Variants in ACAD10 observed in about 807,000 individuals in gnomAD.
The protein encoded by ACAD10 is ACAD-10.
Under a neutral mutation model 116.8 loss-of-function variants are expected in ACAD10, and 112 were observed. The ratio of observed to expected loss-of-function variants is 0.96; its 90% CI spans 0.82 to 1.12. ACAD10 has a LOEUF of 1.12. ACAD10 is among the 50% of genes most tolerant of loss of function. The pLI is 0.00. For missense variants in ACAD10, 1,259 were observed against 1,350.2 expected, an observed-to-expected ratio of 0.93 and a Z score of 1.06; for synonymous variants, 486 against 510.6, an observed-to-expected ratio of 0.95 and a Z score of 0.65.
At chr12:111,703,462 A>G (rs1888409183) in intron 3 of ACAD10, among the ~76,000 whole-genome samples, 1 of 152,244 alleles carries the variant, frequency 6.6e-6, no homozygotes, top group Non-Finnish European at 1.5e-5. Context: ...TTTAAAATAT[A>G]GTAAGAAAAG....
chr12:111,688,516 A>G (rs963013354), intron 1 of ACAD10, among the ~76,000 whole-genome samples: 16 of 152,034 alleles, frequency 1.1e-4, no homozygotes, highest in Non-Finnish European at 2.1e-4. Flanking sequence ...AAAAAAAAGT[A>G]CTTGACTTGG....
intron 18 of ACAD10, among the ~76,000 whole-genome samples, chr12:111,750,473 C>T (rs1291702194): frequency 6.6e-6 from 1 of 152,170 alleles, no homozygotes; most frequent in East Asian, 1.9e-4. Context: ...CTAGTCCCAG[C>T]TACTCAGGAG....
rs1465615087 is a variant in ACAD10 at position 111,715,973 on chromosome 12, A to C, written c.992+11A>C. 6.2e-7 allele frequency: 1 copy of C among 1,613,852 alleles called. No homozygotes were observed. The highest frequency in any genetic ancestry group is 8.5e-7 in the Non-Finnish European group (1 of 1,179,812). Reference sequence around the variant, plus strand: ...AGAGAGGGAGTTCAGGTAAGTTTTCAGGGCCAGGGGAGCACTTGCCCACTA... The same window carrying C: ...AGAGAGGGAGTTCAGGTAAGTTTTCCGGGCCAGGGGAGCACTTGCCCACTA... On this transcript the variant is annotated intron_variant, in intron 7 of 20. Coordinates refer to ENST00000313698, the MANE Select transcript of ACAD10 (RefSeq NM_025247.6).
Position 111,711,005 on chromosome 12 carries a change from C to T in ACAD10, c.690+1321C>T, listed in dbSNP as rs548381740. On this transcript the variant is annotated intron_variant, in intron 5 of 20. Transcript: ENST00000313698. ...GAAGAGGAAATGCATTCTACTGCTC[C>T]CTCATTAGCTAAATATCCTGGGTTC... is the stretch of plus-strand genomic sequence containing the variant. 1.1e-4 allele frequency among the ~76,000 whole-genome samples: 16 copies of T among 152,218 alleles called. No individual in the cohort carries two copies. The South Asian group carries it at 3.1e-3, about 30-fold the overall frequency.
At chr12:111,703,185 C>G (rs1355386144) in intron 3 of ACAD10, among the ~76,000 whole-genome samples, 1 of 151,396 alleles carries the variant, frequency 6.6e-6, no homozygotes, top group African/African-American at 2.4e-5. Flanking sequence ...TACGAATGAA[C>G]AGCCAGATGA....
At position 111,705,529 on chromosome 12, in the gene ACAD10, T is replaced by A. The variant is rs910535732; in HGVS notation, c.337-209T>A. Among the ~76,000 whole-genome samples, 8 of 152,332 alleles carry A rather than the reference T, an allele frequency of 5.3e-5. No individual in the cohort carries two copies. The South Asian group carries it at 1.7e-3, about 32-fold the overall frequency. On this transcript the variant is annotated intron_variant, in intron 3 of 20. Transcript: ENST00000313698. ...TGAGCCACTGTGCCCAGCCTATAAC[T>A]CTAGTCCTGGATAACTTTTAAAAAC...
At chr12:111,710,115 G>T in intron 5 of ACAD10, 1 of 283,040 alleles carries the variant, frequency 3.5e-6, no homozygotes, top group Non-Finnish European at 6.9e-6. Context: ...TCTCATACAG[G>T]GTCTTGTTAT....
chr12:111,698,489 T>C (rs1888254243), intron 2 of ACAD10, among the ~76,000 whole-genome samples: 1 of 151,860 alleles, frequency 6.6e-6, no homozygotes, highest in African/African-American at 2.4e-5. Flanking sequence ...AAACCTTTTT[T>C]TTTTTGAGAC....
rs775006150 is a variant in ACAD10 at position 111,753,842 on chromosome 12, C to A, written c.2888C>A (p.Ser963Ter). ...QGTVLADIAQ[S>*]RVEIEQARLL... ...ACAGTGCTGGCGGACATCGCGCAGT[C>A]GCGCGTGGAGATTGAGCAGGCACGG... Residue 963 changes from serine to a stop codon, truncating the protein, a stop_gained, in exon 19 of 21, where the codon TCG becomes TAG. Transcript: ENST00000313698. LOFTEE classifies it high-confidence loss of function. 2 of 1,614,002 alleles carry A rather than the reference C, an allele frequency of 1.2e-6. No individual in the cohort carries two copies. The highest frequency in any genetic ancestry group is 1.7e-4 in the Middle Eastern group (1 of 6,028).
intron 18 of ACAD10, 69 bp from the exon 19 acceptor site, chr12:111,753,703 C>G: frequency 6.2e-7 from 1 of 1,609,782 alleles, no homozygotes; most frequent in Non-Finnish European, 8.5e-7. Flanking sequence ...CTGCAGGCCA[C>G]CAGCCCCCGC....
Position 111,756,123 on chromosome 12 carries a change from C to T in ACAD10, c.3040-210C>T, listed in dbSNP as rs1041173964. 3.5e-6 allele frequency: 5 copies of T among 1,420,430 alleles called. No individual in the cohort carries two copies. In the Admixed American group the frequency reaches 1.5e-4, roughly 42 times the overall value. 88.0% of individuals were successfully genotyped at this position (1,420,430 alleles called of 1,614,324 possible). ...CCCAGCACAGGGCAGAAGGCACCTG[C>T]AGAGTGGGCCTGGGGAGTCTGGAGG... On this transcript the variant is annotated intron_variant, in intron 20 of 20. Transcript: ENST00000313698.
intron 17 of ACAD10, 55 bp from the exon 18 acceptor site, chr12:111,749,118 C>T: frequency 1.2e-6 from 2 of 1,613,842 alleles, no homozygotes; most frequent in Non-Finnish European, 8.5e-7. Flanking sequence ...GGAATAAACA[C>T]ATCCAAGGAA....
chr12:111,756,034 T>G, intron 20 of ACAD10: 1 of 1,004,526 alleles, frequency 1.0e-6, no homozygotes, highest in Non-Finnish European at 1.4e-6. Flanking sequence ...TGGGTTTTCA[T>G]AAGCCCAGAG....
Position 111,748,316 on chromosome 12 carries a change from G to C in ACAD10, c.2486-1G>C. On this transcript the variant is annotated splice_acceptor_variant, in intron 16 of 20. Transcript: ENST00000313698. LOFTEE classifies it high-confidence loss of function. ...GGTCTGTCTCTCTCCTTTCCTGGCA[G>C]GCATCCTGGATCCTCGTTGCCAACT... The C allele has an allele frequency of 6.2e-7, 1 of 1,614,096 alleles. No homozygotes were observed. The highest frequency in any genetic ancestry group is 1.1e-5 in the South Asian group (1 of 91,084).
At position 111,749,181 on chromosome 12, in the gene ACAD10, G is replaced by C. The variant is rs1325650075; in HGVS notation, c.2653G>C (p.Gly885Arg). 1 of 1,612,888 alleles carries C rather than the reference G, an allele frequency of 6.2e-7. No individual in the cohort carries two copies. Among genetic ancestry groups the C allele is most frequent in the Non-Finnish European group, 8.5e-7 (1 of 1,178,958 alleles). Residue 885 changes from glycine to arginine, a missense_variant, in exon 18 of 21, where the codon GGT (glycine) becomes CGT (arginine). Gly to Arg is a moderately radical substitution (Grantham distance 125). Coordinates refer to ENST00000313698, the MANE Select transcript of ACAD10 (RefSeq NM_025247.6). ...TCGTTTGGGTCTTTCAGGTGGCCAT[G>C]GTGAAGTCCGATTTGAGCACGTGCG... is the stretch of plus-strand genomic sequence containing the variant. ...YGLEDAPGGH[G>R]EVRFEHVRVP...
intron 7 of ACAD10, among the ~76,000 whole-genome samples, chr12:111,716,587 A>G (rs773742025): frequency 1.3e-5 from 2 of 152,194 alleles, no homozygotes; most frequent in Non-Finnish European, 2.9e-5. Context: ...GGCCAGGAGC[A>G]GTAGCTACCA....
chr12:111,739,965 GT>G (rs1384479437), intron 12 of ACAD10, among the ~76,000 whole-genome samples: 1 of 152,226 alleles, frequency 6.6e-6, no homozygotes, highest in Admixed American at 6.5e-5. Flanking sequence ...AGTATTGTGG[GT>G]TTTTTAAAAA....
In ACAD10 at chr12:111,737,012, G is replaced by A; in HGVS notation, c.1714+8G>A. The A allele has an allele frequency of 6.2e-7, 1 of 1,612,640 alleles. No individual in the cohort carries two copies. The highest frequency in any genetic ancestry group is 8.5e-7 in the Non-Finnish European group (1 of 1,179,230). On this transcript the variant is annotated splice_region_variant and intron_variant, in intron 12 of 20. Coordinates refer to ENST00000313698, the MANE Select transcript of ACAD10 (RefSeq NM_025247.6). The stretch of plus-strand genomic sequence containing the variant: ...ACAAGCGATCACTCACAGGTAATGG[G>A]ATGGCTGCCCTGAAGAGCCACTGCG...
intron 7 of ACAD10, 74 bp downstream of exon 7, chr12:111,716,036 G>A: frequency 6.3e-7 from 1 of 1,575,464 alleles, no homozygotes. Context: ...AAACTGAAAA[G>A]TCAGCACTCC....
Sources: gnomAD v4.1 joint callset for allele counts (sites outside exome capture counted in the v4.1 genomes callset) on GRCh38, gnomAD v4.1.1 for gene constraint, MANE v1.5 for transcripts, NCBI Gene and HGNC (gene_info 2026-07-23, HGNC 2026-07-21) for gene names.